Variants in SPRED2 observed in about 807,000 individuals in gnomAD.
The protein encoded by SPRED2 is sprouty related EVH1 domain containing 2.
In SPRED2, 47 loss-of-function variants were observed where a neutral mutation model predicts 43.0. The ratio of observed to expected loss-of-function variants is 1.09; its 90% CI spans 0.87 to 1.40. The LOEUF (loss-of-function observed/expected upper bound fraction) is 1.40. SPRED2 is among the 40% of genes most tolerant of loss of function. The pLI is 0.00. For synonymous variants in SPRED2, 225 were observed against 225.7 expected (o/e 1.00, Z 0.03); for missense variants, 561 against 586.4 (o/e 0.96, Z 0.45).
intron 1 of SPRED2, among the ~76,000 whole-genome samples, chr2:65,401,937 G>GCGCGCGCGCGCACACACA (rs776512353): frequency 3.7e-4 from 43 of 114,756 alleles, no homozygotes; most frequent in African/African-American, 1.4e-3. Context: ...GCGCGCGCGC[G>GCGCGCGCGCGCACACACA]CACACACACA....
At chr2:65,341,411 A>G (rs540998028) in intron 2 of SPRED2, among the ~76,000 whole-genome samples, 1 of 152,270 alleles carries the variant, frequency 6.6e-6, no homozygotes, top group South Asian at 2.1e-4. Context: ...CAATCTGTGT[A>G]CACTAGCAAC....
At chr2:65,330,943 T>G (rs942991440) in intron 4 of SPRED2, among the ~76,000 whole-genome samples, 2 of 152,082 alleles carry the variant, frequency 1.3e-5, no homozygotes, top group Non-Finnish European at 2.9e-5. Context: ...ATTCTTTACA[T>G]TTTTCTGTGT....
chr2:65,383,860 G>A (rs991105018), intron 1 of SPRED2, among the ~76,000 whole-genome samples: 2 of 152,132 alleles, frequency 1.3e-5, no homozygotes, highest in African/African-American at 2.4e-5. Flanking sequence ...CAGGAAGAAC[G>A]GGAAGTTTAT....
intron 1 of SPRED2, among the ~76,000 whole-genome samples, chr2:65,418,217 T>C (rs1676333745): frequency 6.6e-6 from 1 of 152,226 alleles, no homozygotes; most frequent in Non-Finnish European, 1.5e-5. Flanking sequence ...TTTCAAAGCC[T>C]CAACCAGCTC....
chr2:65,339,394 T>C (rs1337716128), intron 2 of SPRED2, among the ~76,000 whole-genome samples: 2 of 151,806 alleles, frequency 1.3e-5, no homozygotes, highest in Non-Finnish European at 2.9e-5. Context: ...AAAATTCTTC[T>C]GCCTTGGGAT....
intron 1 of SPRED2, among the ~76,000 whole-genome samples, chr2:65,353,433 G>T (rs771063248): frequency 6.6e-6 from 1 of 152,148 alleles, no homozygotes; most frequent in Non-Finnish European, 1.5e-5. Context: ...CCATTATCAT[G>T]GAAGACACTG....
intron 1 of SPRED2, among the ~76,000 whole-genome samples, chr2:65,405,881 G>A (rs1676012290): frequency 6.6e-6 from 1 of 152,092 alleles, no homozygotes; most frequent in South Asian, 2.1e-4. Context: ...TCTTTGCTAA[G>A]TGACTGTTCC....
At chr2:65,330,818 C>T (rs1673790232) in intron 4 of SPRED2, among the ~76,000 whole-genome samples, 1 of 152,112 alleles carries the variant, frequency 6.6e-6, no homozygotes, top group African/African-American at 2.4e-5. Context: ...AATGGATCAA[C>T]AACAAAAATA....
rs1358086025 is a variant in SPRED2 at position 65,331,134 on chromosome 2, G to T, written c.438+853C>A. On this transcript the variant is annotated intron_variant, in intron 4 of 5. Coordinates refer to ENST00000356388, the MANE Select transcript of SPRED2 (RefSeq NM_181784.3). Reference sequence around the variant, plus strand: ...TTTGAAAATGCTGTCCAGGCTGGGCGTGGTGGCTAAAGCCTATAAACCTAT... The same window carrying T: ...TTTGAAAATGCTGTCCAGGCTGGGCTTGGTGGCTAAAGCCTATAAACCTAT... 2.6e-5 allele frequency among the ~76,000 whole-genome samples: 4 copies of T among 152,304 alleles called. No homozygotes were observed. The South Asian group carries it at 8.3e-4, about 32-fold the overall frequency.
At chr2:65,365,851 T>C (rs1674954948) in intron 1 of SPRED2, among the ~76,000 whole-genome samples, 1 of 152,180 alleles carries the variant, frequency 6.6e-6, no homozygotes, top group Admixed American at 6.5e-5. Context: ...TGTTTAAATT[T>C]AGTGGGTGAA....
chr2:65,338,170 GTCTCCCGTCTCCCTCTCCC>G (rs1558657694), intron 2 of SPRED2, among the ~76,000 whole-genome samples: 1 of 41,260 alleles, frequency 2.4e-5, no homozygotes, highest in African/African-American at 6.3e-5. Flanking sequence ...TCCCTCTCCC[GTCTCCCGTCTCCCTCTCCC>G]TCTCCCGTCT....
chr2:65,374,736 G>A (rs1264899165), intron 1 of SPRED2, among the ~76,000 whole-genome samples: 1 of 152,226 alleles, frequency 6.6e-6, no homozygotes, highest in East Asian at 1.9e-4. Flanking sequence ...GCCAGTGAAG[G>A]TGAGTCAGGG....
In SPRED2 at chr2:65,314,286, C is replaced by T. The variant is rs186096899; in HGVS notation, c.589-117G>A. The T allele has an allele frequency of 1.4e-5, 13 of 927,352 alleles. No individual in the cohort carries two copies. In the East Asian group the frequency reaches 3.2e-4, roughly 23 times the overall value. The allele number at this position is 927,352 out of a possible 1,614,324, so 57.4% of individuals were successfully genotyped here. A position where few individuals can be genotyped will look rare whatever the true frequency, so the allele number is the denominator to read the frequency against. ...CAAAATGCACCTTTCTCGATAACTC[C>T]ATCACGATGCTCCGTGAAGAAACAG... On this transcript the variant is annotated intron_variant, in intron 5 of 5. Coordinates refer to ENST00000356388, the MANE Select transcript of SPRED2 (RefSeq NM_181784.3).
chr2:65,365,400 G>A (rs527680953), intron 1 of SPRED2, among the ~76,000 whole-genome samples: 1 of 152,338 alleles, frequency 6.6e-6, no homozygotes, highest in Admixed American at 6.5e-5. Flanking sequence ...TCTGAATGTA[G>A]TTAAGTAAAT....
chr2:65,423,311 A>G (rs1676480603), intron 1 of SPRED2, among the ~76,000 whole-genome samples: 1 of 152,234 alleles, frequency 6.6e-6, no homozygotes, highest in South Asian at 2.1e-4. Context: ...TAGGGATGGC[A>G]GGGGAGCCAA....
At chr2:65,317,141 C>A (rs929601005) in intron 4 of SPRED2, among the ~76,000 whole-genome samples, 2 of 152,108 alleles carry the variant, frequency 1.3e-5, no homozygotes, top group Admixed American at 6.6e-5. Context: ...TTCTTAAATG[C>A]GGGAATAGTG....
At chr2:65,418,678 C>T (rs1282764079) in intron 1 of SPRED2, among the ~76,000 whole-genome samples, 2 of 151,980 alleles carry the variant, frequency 1.3e-5, no homozygotes. Context: ...CTCAGCCTCC[C>T]AAGTAGCTGG....
intron 1 of SPRED2, among the ~76,000 whole-genome samples, chr2:65,392,888 G>A (rs1451145734): frequency 1.3e-5 from 2 of 152,154 alleles, no homozygotes; most frequent in African/African-American, 2.4e-5. Context: ...AAGGATGAGG[G>A]ACGGAAGCAG....
At position 65,344,763 on chromosome 2, in the gene SPRED2, G is replaced by T. The variant is rs754380485; in HGVS notation, c.160C>A (p.Arg54=). Residue 54 remains arginine, a synonymous_variant, in exon 2 of 6, where the codon CGA becomes AGA. Coordinates refer to ENST00000356388, the MANE Select transcript of SPRED2 (RefSeq NM_181784.3). The part of the protein sequence containing the change: ...CKVMHPEGNG[R]SGFLIHGERQ... ...TCACCATGGATGAGAAAGCCGCTTC[G>T]TCCATTGCCTTCGGGGTGCATGACC... The T allele has an allele frequency of 6.2e-7, 1 of 1,614,022 alleles. No individual in the cohort carries two copies. Among genetic ancestry groups the T allele is most frequent in the African/African-American group, 1.3e-5 (1 of 74,940 alleles).
Sources: allele counts gnomAD v4.1 joint callset (sites outside exome capture counted in the v4.1 genomes callset), GRCh38; gene constraint gnomAD v4.1.1; transcripts MANE v1.5; gene names NCBI Gene and HGNC (gene_info 2026-07-23, HGNC 2026-07-21).